TRIM9: variants seen among roughly 807,000 people sequenced by gnomAD.
The protein encoded by TRIM9 is E3 ubiquitin-protein ligase TRIM9.
A neutral mutation model predicts 78.3 loss-of-function variants in TRIM9; 26 were observed. That is an observed-to-expected ratio of 0.33 (90% CI 0.24 to 0.46). The LOEUF is 0.46. Among genes scored for constraint, TRIM9 ranks in the 20% least tolerant of loss-of-function variants. The probability of loss-of-function intolerance (pLI) is 1.00; values close to 1 mark genes in which losing one functional copy is unlikely to be tolerated. For synonymous variants in TRIM9, 398 were observed against 416.5 expected, an observed-to-expected ratio of 0.96 and a Z score of 0.54; for missense variants, 787 against 1,036.4, an observed-to-expected ratio of 0.76 and a Z score of 3.30.
intron 1 of TRIM9, among the ~76,000 whole-genome samples, chr14:51,086,164 T>A (rs1172811503): frequency 6.6e-6 from 1 of 152,232 alleles, no homozygotes; most frequent in Non-Finnish European, 1.5e-5. Flanking sequence ...AACTGTGCTT[T>A]ATAGGTATGC....
intron 7 of TRIM9, among the ~76,000 whole-genome samples, chr14:50,993,519 C>T (rs1278152748): frequency 6.6e-6 from 1 of 152,138 alleles, no homozygotes; most frequent in Non-Finnish European, 1.5e-5. Flanking sequence ...CAGGCGCCCG[C>T]CACCACACCC....
intron 5 of TRIM9, among the ~76,000 whole-genome samples, chr14:51,005,803 G>A (rs936359687): frequency 6.6e-6 from 1 of 152,114 alleles, no homozygotes; most frequent in East Asian, 1.9e-4. Flanking sequence ...ACCAGAAAAC[G>A]TGCCATTACA....
chr14:51,028,158 CT>C (rs372350713), intron 1 of TRIM9, among the ~76,000 whole-genome samples: 28 of 152,198 alleles, frequency 1.8e-4, no homozygotes, highest in African/African-American at 6.0e-4. Flanking sequence ...AGTAAGTGAA[CT>C]GCAAAAATCA....
At chr14:51,042,715 A>AC (rs531260587) in intron 1 of TRIM9, among the ~76,000 whole-genome samples, 36 of 152,260 alleles carry the variant, frequency 2.4e-4, no homozygotes, top group South Asian at 1.9e-3. Context: ...CTCTAAGGTC[A>AC]TGGAGGCTTA....
At chr14:51,089,080 T>C (rs560205828) in intron 1 of TRIM9, 1 of 152,330 alleles carries the variant, frequency 6.6e-6, no homozygotes, top group Non-Finnish European at 1.5e-5. Context: ...GATTTGTTAC[T>C]GGAGCATAGT....
In TRIM9 at chr14:50,981,923, G is replaced by T. The variant is rs1397503706; in HGVS notation, c.2039C>A (p.Ala680Asp). 7 of 1,614,158 alleles carry T rather than the reference G, an allele frequency of 4.3e-6. No homozygotes were observed. The highest frequency in any genetic ancestry group is 5.9e-6 in the Non-Finnish European group (7 of 1,180,034). ...CACGTCCATGCGAGCCACACCAAAG[G>T]CAGGATCAGGGTGGTTGTCATAGCG... ...VDRYDNHPDPAFGVARMDVMK... is the reference protein window; with the variant it reads ...VDRYDNHPDPDFGVARMDVMK... Residue 680 changes from alanine to aspartate, a missense_variant, in exon 11 of 13, where the codon GCC becomes GAC. Around this residue, in one of 3 missense-constraint regions of TRIM9, gnomAD observed 421 missense variants for 514.3 expected, o/e 0.82. Coordinates refer to ENST00000684578, the MANE Select transcript of TRIM9 (RefSeq NM_001387360.1).
chr14:51,081,730 T>G (rs191457987), intron 1 of TRIM9, among the ~76,000 whole-genome samples: 1 of 152,328 alleles, frequency 6.6e-6, no homozygotes, highest in East Asian at 1.9e-4. Flanking sequence ...TTCACTAGAA[T>G]GACTCACAGA....
intron 1 of TRIM9, among the ~76,000 whole-genome samples, chr14:51,068,156 T>C (rs1215842440): frequency 2.0e-5 from 3 of 152,178 alleles, no homozygotes. Context: ...CAGGTGATGG[T>C]CTGCAGACCA....
intron 12 of TRIM9, among the ~76,000 whole-genome samples, chr14:50,977,738 T>A (rs1224455963): frequency 6.6e-6 from 1 of 152,196 alleles, no homozygotes; most frequent in African/African-American, 2.4e-5. Flanking sequence ...GCACTTCCCT[T>A]ATTACTTGTC....
At chr14:51,014,600 T>C (rs762372673) in intron 3 of TRIM9, among the ~76,000 whole-genome samples, 2 of 152,238 alleles carry the variant, frequency 1.3e-5, no homozygotes, top group Non-Finnish European at 2.9e-5. Context: ...TCCCACATTA[T>C]AGAAATCAGG....
At chr14:51,065,115 C>T (rs1042775905) in intron 1 of TRIM9, among the ~76,000 whole-genome samples, 5 of 152,122 alleles carry the variant, frequency 3.3e-5, no homozygotes, top group African/African-American at 1.2e-4. Context: ...GGCTGGTTTC[C>T]TCAGAGCTTT....
chr14:51,029,000 A>G (rs2058495914), intron 1 of TRIM9, among the ~76,000 whole-genome samples: 2 of 152,098 alleles, frequency 1.3e-5, no homozygotes, highest in Admixed American at 6.5e-5. Flanking sequence ...AGGACGTTTC[A>G]GGACCTACTT....
chr14:50,996,993 G>A, intron 7 of TRIM9: 1 of 985,326 alleles, frequency 1.0e-6, no homozygotes, highest in Non-Finnish European at 1.2e-6. Flanking sequence ...AGGTTTGTGG[G>A]AAGTGGGAAA....
At chr14:51,078,264 T>C (rs1170366215) in intron 1 of TRIM9, among the ~76,000 whole-genome samples, 1 of 152,204 alleles carries the variant, frequency 6.6e-6, no homozygotes, top group Non-Finnish European at 1.5e-5. Flanking sequence ...CACTGATAAA[T>C]ATGATTTAAT....
chr14:51,086,130 T>C (rs983766802), intron 1 of TRIM9, among the ~76,000 whole-genome samples: 1 of 152,238 alleles, frequency 6.6e-6, no homozygotes, highest in Non-Finnish European at 1.5e-5. Flanking sequence ...ATTTGTTATG[T>C]CATTGAAGTT....
intron 1 of TRIM9, among the ~76,000 whole-genome samples, chr14:51,082,277 C>T (rs568258548): frequency 5.9e-5 from 9 of 152,278 alleles, no homozygotes; most frequent in African/African-American, 2.2e-4. Flanking sequence ...TAATTGAAAA[C>T]ATGTCCACAT....
At chr14:51,010,339 C>T (rs763604743) in intron 4 of TRIM9, 45 bp downstream of exon 4, 3 of 1,503,286 alleles carry the variant, frequency 2.0e-6, no homozygotes, top group Non-Finnish European at 2.8e-6. Context: ...AGACTATGTC[C>T]TATGGGACAT....
At chr14:51,041,237 C>T (rs1285955655) in intron 1 of TRIM9, among the ~76,000 whole-genome samples, 5 of 152,228 alleles carry the variant, frequency 3.3e-5, no homozygotes, top group African/African-American at 4.8e-5. Flanking sequence ...GAAAATAAAT[C>T]TCACCATGGG....
intron 1 of TRIM9, among the ~76,000 whole-genome samples, chr14:51,065,936 TC>T (rs2061692044): frequency 6.6e-6 from 1 of 151,998 alleles, no homozygotes; most frequent in Admixed American, 6.6e-5. Flanking sequence ...TTTGAATCTT[TC>T]CTGATTTTTC....
Sources: gnomAD v4.1 joint callset for allele counts (sites outside exome capture counted in the v4.1 genomes callset) on GRCh38, gnomAD v4.1.1 for gene constraint, gnomAD v4.1.1 regional missense constraint, MANE v1.5 for transcripts, NCBI Gene and HGNC (gene_info 2026-07-23, HGNC 2026-07-21) for gene names.